FSHR: variants seen among roughly 807,000 people sequenced by gnomAD.
The protein encoded by FSHR is follicle stimulating hormone receptor, also known as follicle-stimulating hormone receptor.
In FSHR, 46 loss-of-function variants were observed where a neutral mutation model predicts 52.1. The ratio of observed to expected loss-of-function variants is 0.88; its 90% confidence interval spans 0.70 to 1.13. The LOEUF (loss-of-function observed/expected upper bound fraction) is 1.13. Among genes scored for constraint, FSHR ranks in the 50% most tolerant of loss-of-function variants. FSHR has a pLI of 0.00. For synonymous variants in FSHR, 399 were observed against 309.6 expected (o/e 1.29, Z -3.03); for missense variants, 964 against 834.6 (o/e 1.16, Z -1.91).
intron 2 of FSHR, among the ~76,000 whole-genome samples, chr2:49,058,021 C>G (rs147442020): frequency 6.6e-6 from 1 of 152,120 alleles, no homozygotes; most frequent in Admixed American, 6.5e-5. Flanking sequence ...AGTACCGCAA[C>G]TCAATAAAGG....
At chr2:49,095,151 T>C (rs1670774568) in intron 1 of FSHR, among the ~76,000 whole-genome samples, 1 of 152,114 alleles carries the variant, frequency 6.6e-6, no homozygotes, top group Admixed American at 6.6e-5. Flanking sequence ...TACAAAAATA[T>C]GCAAGAAACC....
At chr2:49,072,927 C>A (rs965698529) in intron 1 of FSHR, among the ~76,000 whole-genome samples, 8 of 152,096 alleles carry the variant, frequency 5.3e-5, no homozygotes, top group East Asian at 1.9e-4. Context: ...TAACCACCAA[C>A]CTTCTGACAA....
chr2:48,969,743 C>G (rs924681801), intron 8 of FSHR, among the ~76,000 whole-genome samples: 4 of 152,216 alleles, frequency 2.6e-5, no homozygotes, highest in African/African-American at 9.6e-5. Flanking sequence ...GACCTCAGCA[C>G]AAATGACCAG....
chr2:49,005,603 G>GT (rs1468128879), intron 4 of FSHR, among the ~76,000 whole-genome samples: 1 of 152,088 alleles, frequency 6.6e-6, no homozygotes, highest in African/African-American at 2.4e-5. Flanking sequence ...GGAAGAGAGG[G>GT]TTTTAGGGGT....
At chr2:49,012,904 A>G (rs1025863580) in intron 4 of FSHR, among the ~76,000 whole-genome samples, 1 of 152,062 alleles carries the variant, frequency 6.6e-6, no homozygotes, top group Admixed American at 6.6e-5. Context: ...CTCAAAACTC[A>G]ATTGTTAAAA....
At chr2:49,001,289 G>T (rs1037897281) in intron 4 of FSHR, among the ~76,000 whole-genome samples, 1 of 152,070 alleles carries the variant, frequency 6.6e-6, no homozygotes, top group Non-Finnish European at 1.5e-5. Flanking sequence ...AGAAAACTGA[G>T]GCTTAGAGAG....
rs1332407943 is a variant in FSHR at position 49,090,400 on chromosome 2, C to T, written c.153-22110G>A. ...TATAACATGTGAGACTGGCTTCTTT[C>T]AGTTCACTTGAGATTCATCTGTTTA... On this transcript the variant is annotated intron_variant, in intron 1 of 9. Coordinates refer to ENST00000406846, the MANE Select transcript of FSHR (RefSeq NM_000145.4). Among the ~76,000 whole-genome samples the T allele has an allele frequency of 3.3e-5, 5 of 152,282 alleles. No homozygotes were observed. In the East Asian group the frequency reaches 5.8e-4, roughly 18 times the overall value.
In FSHR at chr2:48,963,976, T is replaced by C; in HGVS notation, c.855-10A>G. The C allele has an allele frequency of 6.2e-7, 1 of 1,610,260 alleles. No homozygotes were observed. The highest frequency in any genetic ancestry group is 1.1e-5 in the South Asian group (1 of 90,948). ...TGGATGAAGCTCAGAGCTAGAAAAA[T>C]ACAAAAAGAAATAGAATCAACATCT... On this transcript the variant is annotated splice_polypyrimidine_tract_variant and intron_variant, in intron 9 of 9. Transcript: ENST00000406846.
At chr2:49,114,538 C>G (rs550987315) in intron 1 of FSHR, among the ~76,000 whole-genome samples, 4 of 152,250 alleles carry the variant, frequency 2.6e-5, no homozygotes, top group African/African-American at 9.6e-5. Flanking sequence ...AGCCATATAA[C>G]CTTGAGTAAG....
chr2:49,081,435 C>T (rs1335869395), intron 1 of FSHR, among the ~76,000 whole-genome samples: 1 of 152,014 alleles, frequency 6.6e-6, no homozygotes, highest in East Asian at 1.9e-4. Context: ...TTATAATATT[C>T]TCTATACTTC....
At chr2:49,080,019 C>G (rs906086866) in intron 1 of FSHR, among the ~76,000 whole-genome samples, 5 of 151,790 alleles carry the variant, frequency 3.3e-5, no homozygotes, top group African/African-American at 1.2e-4. Context: ...ACAAACAACC[C>G]AGTAGAAAAA....
At chr2:49,026,182 A>G (rs1053562618) in intron 2 of FSHR, among the ~76,000 whole-genome samples, 2 of 152,240 alleles carry the variant, frequency 1.3e-5, no homozygotes, top group Non-Finnish European at 2.9e-5. Context: ...GCTCAGCCTA[A>G]TTCAGTAATT....
At chr2:49,058,009 A>G (rs925831080) in intron 2 of FSHR, among the ~76,000 whole-genome samples, 2 of 152,184 alleles carry the variant, frequency 1.3e-5, no homozygotes, top group East Asian at 1.9e-4. Flanking sequence ...GTATAGAAGG[A>G]AAGTACCGCA....
chr2:49,093,765 T>G (rs562600989), intron 1 of FSHR, among the ~76,000 whole-genome samples: 1 of 152,078 alleles, frequency 6.6e-6, no homozygotes. Flanking sequence ...TGGCTAATTT[T>G]TAAATATTTT....
chr2:49,118,776 A>C (rs1346011820), intron 1 of FSHR, among the ~76,000 whole-genome samples: 1 of 152,198 alleles, frequency 6.6e-6, no homozygotes, highest in Non-Finnish European at 1.5e-5. Flanking sequence ...TATTTGGTGT[A>C]AAAGTGGGTG....
At chr2:49,112,937 A>T (rs2103757660) in intron 1 of FSHR, among the ~76,000 whole-genome samples, 1 of 152,238 alleles carries the variant, frequency 6.6e-6, no homozygotes, top group Non-Finnish European at 1.5e-5. Flanking sequence ...CCCAGGTGGG[A>T]GGAAGCAACT....
chr2:48,977,233 T>C (rs978079981), intron 8 of FSHR, among the ~76,000 whole-genome samples: 1 of 151,900 alleles, frequency 6.6e-6, no homozygotes, highest in African/African-American at 2.4e-5. Context: ...CATGGCACAG[T>C]GAGGGAGGGT....
At chr2:49,062,294 A>G (rs945761373) in intron 2 of FSHR, among the ~76,000 whole-genome samples, 1 of 152,160 alleles carries the variant, frequency 6.6e-6, no homozygotes, top group African/African-American at 2.4e-5. Context: ...CAACAAAGAC[A>G]TTGAGAACGT....
chr2:49,104,687 G>A lies in FSHR; in HGVS notation c.153-36397C>T, dbSNP rs556813277. On this transcript the variant is annotated intron_variant, in intron 1 of 9. Transcript: ENST00000406846. ...AGATGACAAGAATGTAAAGAGGACC[G>A]AAGTTGCTTCAGCTGGGTGTTGTTT... 9.9e-5 allele frequency among the ~76,000 whole-genome samples: 15 copies of A among 152,222 alleles called. No individual in the cohort carries two copies. In the East Asian group the frequency reaches 2.3e-3, roughly 24 times the overall value.
Sources: allele counts gnomAD v4.1 joint callset (sites outside exome capture counted in the v4.1 genomes callset), GRCh38; gene constraint gnomAD v4.1.1; transcripts MANE v1.5; gene names NCBI Gene and HGNC (gene_info 2026-07-23, HGNC 2026-07-21).